MYOF: variants seen among roughly 807,000 people sequenced by gnomAD.
MYOF encodes myoferlin, also known as fer-1-like 3, myoferlin.
MYOF carries 244 observed loss-of-function variants against 284.2 expected under a neutral mutation model. That is an observed-to-expected ratio of 0.86 (90% CI 0.77 to 0.95). MYOF has a LOEUF of 0.95. MYOF is among the 40% of genes least tolerant of loss of function. The probability of loss-of-function intolerance (pLI) is 0.00; values close to 1 mark genes in which losing one functional copy is unlikely to be tolerated. For synonymous variants in MYOF, 904 were observed against 919.7 expected (o/e 0.98, Z 0.31); for missense variants, 2,496 against 2,560.6 (o/e 0.97, Z 0.54).
At chr10:93,351,152 T>G (rs1844485115) in intron 35 of MYOF, 45 bp downstream of exon 35, 11 of 1,572,960 alleles carry the variant, frequency 7.0e-6, no homozygotes, top group Non-Finnish European at 9.6e-6. Flanking sequence ...TGTCCTGCAG[T>G]CACATCCGTT....
rs916555324 is a variant in MYOF, at chr10:93,370,314, A to ATTTTTTTTTTTTTTTTT, written c.2458-555_2458-539dup. On this transcript the variant is annotated intron_variant, in intron 24 of 53. Coordinates refer to ENST00000359263, the MANE Select transcript of MYOF (RefSeq NM_013451.4). The stretch of plus-strand genomic sequence containing the variant: ...GTTGATCAAGCAGTAATGATTACTA[A>ATTTTTTTTTTTTTTTTT]TTTTTTTTTTTTTTTTTTTTTGAGA... Among the ~76,000 whole-genome samples, 291 of 122,358 alleles carry ATTTTTTTTTTTTTTTTT rather than the reference A, an allele frequency of 2.4e-3. 15 individuals carry two copies. The highest frequency in any genetic ancestry group is 9.2e-3 in the African/African-American group (260 of 28,218). 80.3% of individuals were successfully genotyped at this position (122,358 alleles called of 152,430 possible).
chr10:93,470,305 A>G (rs1391279904), intron 1 of MYOF, among the ~76,000 whole-genome samples: 1 of 152,136 alleles, frequency 6.6e-6, no homozygotes, highest in Non-Finnish European at 1.5e-5. Flanking sequence ...AACTAAGTAC[A>G]TGTGAAGCAT....
intron 43 of MYOF, among the ~76,000 whole-genome samples, chr10:93,332,045 T>C (rs1023008602): frequency 6.6e-6 from 1 of 152,142 alleles, no homozygotes; most frequent in Non-Finnish European, 1.5e-5. Context: ...ATCTCGGCTC[T>C]ATCACTTACC....
Position 93,351,526 on chromosome 10 carries a change from T to G in MYOF, c.3709A>C (p.Lys1237Gln). 1 of 1,614,214 alleles carries G rather than the reference T, an allele frequency of 6.2e-7. No individual in the cohort carries two copies. Among genetic ancestry groups the G allele is most frequent in the Non-Finnish European group, 8.5e-7 (1 of 1,180,030 alleles). Residue 1237 changes from lysine to glutamine, a missense_variant, in exon 34 of 54, where the codon AAA (lysine) becomes CAA (glutamine). This residue lies in a region of MYOF where 2,436 missense variants were observed against 2,480.7 expected (regional missense o/e 0.98). Transcript: ENST00000359263. ...GTGATGTCCATTTCTGAGTTCAGTT[T>G]CACCACAGGAGAGAAAATGCTTCGT... ...LGRSIFSPVV[K>Q]LNSEMDITPK...
chr10:93,333,148 A>G (rs1175858998), intron 43 of MYOF, 73 bp downstream of exon 43: 3 of 1,219,458 alleles, frequency 2.5e-6, no homozygotes, highest in East Asian at 4.7e-5. Flanking sequence ...ACAGGGTTGG[A>G]CACATATTAG....
At chr10:93,473,781 C>T (rs1054215690) in intron 1 of MYOF, among the ~76,000 whole-genome samples, 24 of 152,180 alleles carry the variant, frequency 1.6e-4, no homozygotes, top group Admixed American at 1.3e-4. Context: ...GTACAACAGG[C>T]TAGGGAGAGA....
chr10:93,363,268 G>T (rs370510749), intron 27 of MYOF, among the ~76,000 whole-genome samples: 1 of 152,252 alleles, frequency 6.6e-6, no homozygotes, highest in Admixed American at 6.5e-5. Context: ...GACATCAATG[G>T]TTATCTTTGG....
chr10:93,437,630 C>G (rs1312826184), intron 3 of MYOF, among the ~76,000 whole-genome samples: 2 of 152,216 alleles, frequency 1.3e-5, no homozygotes, highest in African/African-American at 2.4e-5. Flanking sequence ...CAATCCCAAC[C>G]TGACTGGGGA....
In MYOF at chr10:93,381,649, C is replaced by T. The variant is rs140666781; in HGVS notation, c.1699-253G>A. Among the ~76,000 whole-genome samples the T allele has an allele frequency of 3.0e-3, 452 of 152,226 alleles. 3 individuals are homozygous for T. Among genetic ancestry groups the T allele is most frequent in the African/African-American group, 0.011 (439 of 41,524 alleles). On this transcript the variant is annotated intron_variant, in intron 19 of 53. Transcript: ENST00000359263. ...AACAGTACACAAGTCTTTCAGTAGACCACTTGTTAAACAAGTTATGTTATA... is the reference window on the plus strand; with the variant it reads ...AACAGTACACAAGTCTTTCAGTAGATCACTTGTTAAACAAGTTATGTTATA...
intron 24 of MYOF, 50 bp from the exon 25 acceptor site, chr10:93,369,826 T>C: frequency 6.2e-7 from 1 of 1,604,678 alleles, no homozygotes; most frequent in Non-Finnish European, 8.5e-7. Flanking sequence ...CAGCAAAGAC[T>C]GTGACATTAA....
intron 45 of MYOF, among the ~76,000 whole-genome samples, chr10:93,327,414 T>C (rs1463774845): frequency 6.6e-6 from 1 of 152,118 alleles, no homozygotes; most frequent in African/African-American, 2.4e-5. Flanking sequence ...ATTCTGTATA[T>C]ACTCTTGTGG....
intron 2 of MYOF, among the ~76,000 whole-genome samples, chr10:93,453,347 G>T (rs938913368): frequency 3.9e-5 from 6 of 152,178 alleles, no homozygotes; most frequent in Non-Finnish European, 8.8e-5. Flanking sequence ...TGTATTTTTA[G>T]TAGAGACAGG....
At chr10:93,439,858 A>T (rs550871226) in intron 3 of MYOF, among the ~76,000 whole-genome samples, 1 of 152,356 alleles carries the variant, frequency 6.6e-6, no homozygotes, top group Admixed American at 6.5e-5. Context: ...GTGGGCATGA[A>T]TGAATAGATA....
rs1392183260 is a variant in MYOF, at chr10:93,328,755, G to A, written c.5131+8C>T. ...GTACCAGTTTACAATCCACAGCTAGGTGCTCACCAAATTCATCCAAGCTGT... is the reference window on the plus strand; with the variant it reads ...GTACCAGTTTACAATCCACAGCTAGATGCTCACCAAATTCATCCAAGCTGT... On this transcript the variant is annotated splice_region_variant and intron_variant, in intron 45 of 53. Transcript: ENST00000359263. 1.2e-6 allele frequency: 2 copies of A among 1,606,990 alleles called. No individual in the cohort carries two copies. Among genetic ancestry groups the A allele is most frequent in the Non-Finnish European group, 1.7e-6 (2 of 1,174,252 alleles).
chr10:93,423,314 G>A (rs1404991620), intron 5 of MYOF, among the ~76,000 whole-genome samples: 2 of 150,634 alleles, frequency 1.3e-5, no homozygotes, highest in Non-Finnish European at 3.0e-5. Context: ...ATCACTTGAG[G>A]TCAGGAGTTC....
intron 15 of MYOF, 40 bp downstream of exon 15, chr10:93,397,207 A>C: frequency 6.8e-7 from 1 of 1,473,406 alleles, no homozygotes; most frequent in Non-Finnish European, 9.4e-7. Flanking sequence ...TCCAATGTTT[A>C]TTTTATGTTG....
chr10:93,466,120 T>C (rs983529163), intron 1 of MYOF, among the ~76,000 whole-genome samples: 1 of 152,092 alleles, frequency 6.6e-6, no homozygotes, highest in African/African-American at 2.4e-5. Context: ...CAGAAACGCC[T>C]CCACCCTGGG....
chr10:93,386,727 T>C (rs1419313439), intron 19 of MYOF, among the ~76,000 whole-genome samples: 3 of 152,202 alleles, frequency 2.0e-5, no homozygotes, highest in Non-Finnish European at 4.4e-5. Flanking sequence ...TGGGAGTCAA[T>C]GAGCAAGGCC....
chr10:93,355,572 T>C, intron 31 of MYOF, 56 bp downstream of exon 31: 1 of 1,278,564 alleles, frequency 7.8e-7, no homozygotes, highest in Non-Finnish European at 1.1e-6. Context: ...AGGGCCAGAC[T>C]CAGTCTTGAA....
Sources: allele counts gnomAD v4.1 joint callset (sites outside exome capture counted in the v4.1 genomes callset), GRCh38; gene constraint gnomAD v4.1.1; regional missense constraint gnomAD v4.1.1; transcripts MANE v1.5; gene names NCBI Gene and HGNC (gene_info 2026-07-23, HGNC 2026-07-21).